MINPP1: variants seen among roughly 807,000 people sequenced by gnomAD.
MINPP1 encodes the protein multiple inositol polyphosphate phosphatase 1.
In MINPP1, 28 loss-of-function variants were observed where a neutral mutation model predicts 46.1. That is an observed-to-expected ratio of 0.61 (90% confidence interval 0.45 to 0.83). The LOEUF is 0.83. Among genes scored for constraint, MINPP1 ranks in the 40% least tolerant of loss-of-function variants. The pLI, the probability that MINPP1 is intolerant of heterozygous loss-of-function variation, is 0.00. For synonymous variants in MINPP1, 268 were observed against 249.1 expected (o/e 1.08, Z -0.72); for missense variants, 603 against 610.0 (o/e 0.99, Z 0.12).
chr10:87,515,007 C>G lies in MINPP1; in HGVS notation c.933+1786C>G, dbSNP rs192718501. Among the ~76,000 whole-genome samples the G allele has an allele frequency of 2.8e-3, 424 of 152,144 alleles. 3 individuals are homozygous for G. Among genetic ancestry groups the G allele is most frequent in the African/African-American group, 9.3e-3 (386 of 41,530 alleles). On this transcript the variant is annotated intron_variant, in intron 3 of 4. Transcript: ENST00000371996. ...CTGGTATTACAGGCATCAGCCACCA[C>G]TCCTGGCCAGTGATGTTTGATCATT...
At chr10:87,526,030 C>T (rs183510316) in intron 4 of MINPP1, among the ~76,000 whole-genome samples, 1 of 152,170 alleles carries the variant, frequency 6.6e-6, no homozygotes, top group Admixed American at 6.5e-5. Flanking sequence ...GTGCATGTAT[C>T]TTTATAGCAG....
chr10:87,552,715 C>T lies in MINPP1; in HGVS notation c.*237C>T, dbSNP rs1239825707. On this transcript the variant is annotated 3_prime_UTR_variant, in exon 5 of 5. Transcript: ENST00000371996. ...CTATTTAGAGAAACAGCTGGCCCTGCAAATGTTTACAGAAATGAAATTCTT... is the reference window on the plus strand; with the variant it reads ...CTATTTAGAGAAACAGCTGGCCCTGTAAATGTTTACAGAAATGAAATTCTT... 2 of 496,654 alleles carry T rather than the reference C, an allele frequency of 4.0e-6. No homozygotes were observed. The highest frequency in any genetic ancestry group is 3.6e-6 in the Non-Finnish European group (1 of 279,384). The allele number at this position is 496,654 out of a possible 1,614,324, so 30.8% of individuals were successfully genotyped here.
chr10:87,526,870 ATT>A (rs1851584715), intron 4 of MINPP1, among the ~76,000 whole-genome samples: 1 of 151,962 alleles, frequency 6.6e-6, no homozygotes, highest in Non-Finnish European at 1.5e-5. Flanking sequence ...GTGTGGTATT[ATT>A]TCTGAGGGCT....
At chr10:87,536,948 T>C (rs1429202928) in intron 4 of MINPP1, among the ~76,000 whole-genome samples, 1 of 152,196 alleles carries the variant, frequency 6.6e-6, no homozygotes, top group East Asian at 1.9e-4. Flanking sequence ...TTCACTTTTT[T>C]TTTTTTGAGA....
chr10:87,505,308 G>T lies in MINPP1; in HGVS notation c.393G>T (p.Leu131=). 2.5e-6 allele frequency: 4 copies of T among 1,612,104 alleles called. No individual in the cohort carries two copies. The highest frequency in any genetic ancestry group is 1.7e-4 in the Middle Eastern group (1 of 6,054). Residue 131 remains leucine (L), a synonymous_variant, in exon 1 of 5, where the codon CTG becomes CTT. Transcript: ENST00000371996. This position sits in a 1 kb window ranked among gnomAD's most constrained non-coding sequence, Gnocchi z 4.4. ...STGSRDLGAA[L]ADWPLWYADW... Reference sequence around the variant, plus strand: ...GCAGCCGCGACCTGGGTGCAGCGCTGGCCGACTGGCCTTTGTGGTACGCGG... The same window carrying T: ...GCAGCCGCGACCTGGGTGCAGCGCTTGCCGACTGGCCTTTGTGGTACGCGG...
At chr10:87,534,092 C>T (rs1463413686) in intron 4 of MINPP1, among the ~76,000 whole-genome samples, 3 of 147,356 alleles carry the variant, frequency 2.0e-5, no homozygotes, top group Non-Finnish European at 4.5e-5. Flanking sequence ...TCGCTCTATC[C>T]CCCAGGCTGG....
At position 87,524,048 on chromosome 10, in the gene MINPP1, C is replaced by T. The variant is rs116755188; in HGVS notation, c.1067+2879C>T. Among the ~76,000 whole-genome samples the T allele has an allele frequency of 4.0e-3, 605 of 152,288 alleles. 4 individuals carry two copies. Among genetic ancestry groups the T allele is most frequent in the African/African-American group, 0.014 (567 of 41,562 alleles). On this transcript the variant is annotated intron_variant, in intron 4 of 4. Coordinates refer to ENST00000371996, the MANE Select transcript of MINPP1 (RefSeq NM_004897.5). Reference sequence around the variant, plus strand: ...GGCTTCAACTTACAGTCAGGAGCTGCGTTATCTGCTAACAAGAGAGTCATC... The same window carrying T: ...GGCTTCAACTTACAGTCAGGAGCTGTGTTATCTGCTAACAAGAGAGTCATC...
At chr10:87,550,433 A>G (rs997475070) in intron 4 of MINPP1, among the ~76,000 whole-genome samples, 1 of 152,170 alleles carries the variant, frequency 6.6e-6, no homozygotes, top group East Asian at 1.9e-4. Flanking sequence ...TTTAGAGAAT[A>G]TTAATCTGAA....
At chr10:87,506,484 G>T (rs1851253094) in intron 1 of MINPP1, among the ~76,000 whole-genome samples, 1 of 152,082 alleles carries the variant, frequency 6.6e-6, no homozygotes. Context: ...GGAGTTGATA[G>T]TATTTTCCCC....
At chr10:87,513,030 G>A (rs1201509232) in intron 2 of MINPP1, 94 bp from the exon 3 acceptor site, 1 of 848,992 alleles carries the variant, frequency 1.2e-6, no homozygotes, top group Non-Finnish European at 2.0e-6. Flanking sequence ...CCATTTTATT[G>A]AGCTGTACCA....
At chr10:87,537,782 T>G (rs1469672927) in intron 4 of MINPP1, among the ~76,000 whole-genome samples, 3 of 151,802 alleles carry the variant, frequency 2.0e-5, no homozygotes, top group Admixed American at 6.6e-5. Context: ...ATTTTTTTTC[T>G]TTTTTTAGAC....
chr10:87,533,659 A>G (rs1851690893), intron 4 of MINPP1, among the ~76,000 whole-genome samples: 1 of 152,214 alleles, frequency 6.6e-6, no homozygotes, highest in African/African-American at 2.4e-5. Context: ...AATTACTATA[A>G]AATATTTTTT....
chr10:87,506,301 A>C (rs1851248967), intron 1 of MINPP1, among the ~76,000 whole-genome samples: 1 of 152,106 alleles, frequency 6.6e-6, no homozygotes, highest in South Asian at 2.1e-4. Flanking sequence ...ATGCCTTCTT[A>C]ATTGTCTTTC....
Position 87,504,982 on chromosome 10 carries a change from C to T in MINPP1, c.67C>T (p.Leu23=), listed in dbSNP as rs567252033. The T allele has an allele frequency of 1.2e-5, 19 of 1,612,378 alleles. No individual in the cohort carries two copies. The African/African-American group carries it at 2.0e-4, about 17-fold the overall frequency. ...GCCTGCCGCGGCCCTGGCTGCGGCG[C>T]TGCTCTCGTCGCTTGCGCGCTGCTC... ...VAPAAALAAA[L]LSSLARCSLL... Residue 23 remains leucine, a synonymous_variant, in exon 1 of 5, where the codon CTG becomes TTG. Coordinates refer to ENST00000371996, the MANE Select transcript of MINPP1 (RefSeq NM_004897.5).
At chr10:87,545,715 T>C (rs1851877551) in intron 4 of MINPP1, among the ~76,000 whole-genome samples, 1 of 142,298 alleles carries the variant, frequency 7.0e-6, no homozygotes, top group Admixed American at 7.0e-5. Flanking sequence ...GAGTAGAATG[T>C]GTAAGAAGCA....
At chr10:87,550,987 G>A (rs1194535196) in intron 4 of MINPP1, among the ~76,000 whole-genome samples, 1 of 151,978 alleles carries the variant, frequency 6.6e-6, no homozygotes, top group Non-Finnish European at 1.5e-5. Context: ...GAATACCTGT[G>A]GGCTGTTTGG....
intron 2 of MINPP1, among the ~76,000 whole-genome samples, chr10:87,508,754 T>G (rs1303729168): frequency 6.6e-6 from 1 of 152,204 alleles, no homozygotes; most frequent in Non-Finnish European, 1.5e-5. Context: ...CTGTACAAGA[T>G]TCTAGTTATA....
intron 2 of MINPP1, 151 bp from the exon 3 acceptor site, chr10:87,512,973 G>A (rs1426086958): frequency 1.5e-6 from 1 of 671,794 alleles, no homozygotes; most frequent in Non-Finnish European, 2.7e-6. Flanking sequence ...TTAATTCTTT[G>A]ATAGCCAGGA....
In MINPP1 at chr10:87,552,945, T is replaced by A. The variant is rs1851985663; in HGVS notation, c.*467T>A. 1 of 155,898 alleles carries A rather than the reference T, an allele frequency of 6.4e-6. No homozygotes were observed. Among genetic ancestry groups the A allele is most frequent in the Non-Finnish European group, 1.4e-5 (1 of 70,362 alleles). 9.7% of individuals were successfully genotyped at this position (155,898 alleles called of 1,614,324 possible). A position where few individuals can be genotyped will look rare whatever the true frequency, so the allele number is the denominator to read the frequency against. On this transcript the variant is annotated 3_prime_UTR_variant, in exon 5 of 5. Transcript: ENST00000371996. ...ATTTTCTTAATCAGGAATATTGTGGTAAGCTGGGAGTATCACTCTGGAAGA... is the reference window on the plus strand; with the variant it reads ...ATTTTCTTAATCAGGAATATTGTGGAAAGCTGGGAGTATCACTCTGGAAGA...
Sources: allele counts gnomAD v4.1 joint callset (sites outside exome capture counted in the v4.1 genomes callset), GRCh38; gene constraint gnomAD v4.1.1; non-coding constraint Gnocchi (gnomAD v3.1); transcripts MANE v1.5; gene names NCBI Gene and HGNC (gene_info 2026-07-23, HGNC 2026-07-21).